ROBO2: variants seen among roughly 807,000 people sequenced by gnomAD.
ROBO2 encodes roundabout homolog 2.
ROBO2 carries 53 observed loss-of-function variants against 160.8 expected under a neutral mutation model. The observed-to-expected ratio is 0.33, with a 90% CI of 0.26 to 0.41. ROBO2 has a LOEUF of 0.41. Ranked by LOEUF, ROBO2 falls within the 10% of genes least tolerant of loss-of-function variation. ROBO2 has a pLI of 1.00. For synonymous variants in ROBO2, 664 were observed against 611.7 expected (o/e 1.09, Z -1.26); for missense variants, 1,577 against 1,722.4 (o/e 0.92, Z 1.49).
chr3:76,358,261 G>T (rs2075296341), intron 2 of ROBO2, among the ~76,000 whole-genome samples: 1 of 151,930 alleles, frequency 6.6e-6, no homozygotes, highest in Non-Finnish European at 1.5e-5. Flanking sequence ...ACTCCAAAAA[G>T]GACACCAGCT....
At chr3:77,357,392 G>C (rs1012943987) in intron 2 of ROBO2, among the ~76,000 whole-genome samples, 1 of 152,064 alleles carries the variant, frequency 6.6e-6, no homozygotes, top group Admixed American at 6.6e-5. Context: ...TCTGTCCTGA[G>C]TATTCTCTCT....
intron 2 of ROBO2, among the ~76,000 whole-genome samples, chr3:77,222,153 A>G (rs2085901220): frequency 6.6e-6 from 1 of 152,114 alleles, no homozygotes; most frequent in Admixed American, 6.5e-5. Context: ...GCCCGGCCCA[A>G]TGGACTCTCA....
chr3:76,380,164 C>T (rs1158246579), intron 2 of ROBO2, among the ~76,000 whole-genome samples: 2 of 151,734 alleles, frequency 1.3e-5, no homozygotes, highest in Non-Finnish European at 2.9e-5. Flanking sequence ...AAGTCTAACT[C>T]CTTGAAGATA....
chr3:77,255,593 GT>G (rs1313823902), intron 2 of ROBO2, among the ~76,000 whole-genome samples: 1 of 152,190 alleles, frequency 6.6e-6, no homozygotes, highest in Non-Finnish European at 1.5e-5. Context: ...CTCTTTTGGA[GT>G]TACTATCCAA....
rs969114795 is a variant in ROBO2, at chr3:76,724,644, A to T, written c.110-373370A>T. 1.3e-5 allele frequency among the ~76,000 whole-genome samples: 2 copies of T among 152,260 alleles called. 1 individual carries two copies. The highest frequency in any genetic ancestry group is 4.1e-4 in the South Asian group (2 of 4,830). ...CAATATCTATTTGTTTACCAAATACATCCTCTTGAATTTCCAGCAGCCACT... is the reference window on the plus strand; with the variant it reads ...CAATATCTATTTGTTTACCAAATACTTCCTCTTGAATTTCCAGCAGCCACT... On this transcript the variant is annotated intron_variant, in intron 2 of 26. Coordinates refer to the ROBO2 transcript ENST00000487694.
At chr3:77,467,095 C>T (rs1454325071) in intron 2 of ROBO2, among the ~76,000 whole-genome samples, 1 of 152,058 alleles carries the variant, frequency 6.6e-6, no homozygotes, top group African/African-American at 2.4e-5. Flanking sequence ...TGTTGGGATC[C>T]AGAATAATGC....
intron 2 of ROBO2, among the ~76,000 whole-genome samples, chr3:76,096,846 A>G (rs2069472453): frequency 6.6e-6 from 1 of 152,186 alleles, no homozygotes. Flanking sequence ...AACATCCACC[A>G]TGAACAAAAC....
intron 2 of ROBO2, among the ~76,000 whole-genome samples, chr3:76,221,015 A>T (rs565356836): frequency 6.6e-6 from 1 of 150,908 alleles, no homozygotes; most frequent in East Asian, 2.0e-4. Flanking sequence ...ATCATAGAAC[A>T]TGGTAATACT....
chr3:75,988,267 A>T (rs1258080293), intron 2 of ROBO2, among the ~76,000 whole-genome samples: 1 of 152,050 alleles, frequency 6.6e-6, no homozygotes, highest in East Asian at 1.9e-4. Context: ...CGTATGTTGC[A>T]TATTTCTAGG....
intron 2 of ROBO2, among the ~76,000 whole-genome samples, chr3:76,259,365 A>G (rs1048067288): frequency 6.6e-6 from 1 of 152,130 alleles, no homozygotes; most frequent in African/African-American, 2.4e-5. Context: ...TATTCACTGC[A>G]TGCTTCTGGG....
chr3:76,034,290 G>GTT (rs1314785738), intron 2 of ROBO2, among the ~76,000 whole-genome samples: 1 of 152,180 alleles, frequency 6.6e-6, no homozygotes, highest in African/African-American at 2.4e-5. Context: ...TGGTTATAAT[G>GTT]TTAAATTAGT....
chr3:76,166,141 A>G (rs1016389654), intron 2 of ROBO2, among the ~76,000 whole-genome samples: 3 of 152,228 alleles, frequency 2.0e-5, no homozygotes, highest in Non-Finnish European at 2.9e-5. Context: ...GTTGGACACA[A>G]TGTTACCACA....
At chr3:76,477,500 A>G (rs538230402) in intron 2 of ROBO2, among the ~76,000 whole-genome samples, 81 of 152,272 alleles carry the variant, frequency 5.3e-4, no homozygotes, top group African/African-American at 1.8e-3. Context: ...GTTGTATATG[A>G]AACCATAGGG....
intron 2 of ROBO2, among the ~76,000 whole-genome samples, chr3:76,144,593 A>T (rs2071815965): frequency 6.6e-6 from 1 of 152,064 alleles, no homozygotes; most frequent in Non-Finnish European, 1.5e-5. Flanking sequence ...ATTCATGTGC[A>T]TGTTGGAGAT....
chr3:76,112,285 T>C (rs2070267742), intron 2 of ROBO2, among the ~76,000 whole-genome samples: 1 of 152,138 alleles, frequency 6.6e-6, no homozygotes, highest in African/African-American at 2.4e-5. Context: ...CTATTTGATT[T>C]AGGAGTTTGG....
At chr3:76,764,561 T>A (rs1049651051) in intron 2 of ROBO2, among the ~76,000 whole-genome samples, 2 of 151,780 alleles carry the variant, frequency 1.3e-5, no homozygotes, top group African/African-American at 4.8e-5. Flanking sequence ...CCTGACTTAA[T>A]TTTCCAGGCT....
At chr3:77,214,857 A>G (rs2084705494) in intron 2 of ROBO2, among the ~76,000 whole-genome samples, 1 of 152,172 alleles carries the variant, frequency 6.6e-6, no homozygotes, top group Non-Finnish European at 1.5e-5. Context: ...TTGGCTGGAT[A>G]TGAAAGTCTG....
intron 2 of ROBO2, among the ~76,000 whole-genome samples, chr3:77,273,343 T>C (rs1394906183): frequency 1.3e-5 from 2 of 152,202 alleles, no homozygotes; most frequent in African/African-American, 4.8e-5. Context: ...TGTTCTCACT[T>C]AGAAGGTATC....
chr3:76,011,866 T>A (rs2066204247), intron 2 of ROBO2, among the ~76,000 whole-genome samples: 1 of 152,170 alleles, frequency 6.6e-6, no homozygotes, highest in Admixed American at 6.5e-5. Flanking sequence ...GACATTGTGC[T>A]CCTCAATGGA....
Sources: allele counts gnomAD v4.1 joint callset (sites outside exome capture counted in the v4.1 genomes callset), GRCh38; gene constraint gnomAD v4.1.1; transcripts MANE v1.5; gene names NCBI Gene and HGNC (gene_info 2026-07-23, HGNC 2026-07-21).